Variants in ATP6V1H observed in about 807,000 individuals in gnomAD.
ATP6V1H encodes V-type proton ATPase subunit H.
A neutral mutation model predicts 71.7 loss-of-function variants in ATP6V1H; 39 were observed. That is an observed-to-expected ratio of 0.54 (90% confidence interval 0.42 to 0.71). ATP6V1H has a LOEUF of 0.71. Ranked by LOEUF, ATP6V1H falls within the 30% of genes least tolerant of loss-of-function variation. ATP6V1H has a pLI of 0.00. For synonymous variants in ATP6V1H, 192 were observed against 199.3 expected (o/e 0.96, Z 0.31); for missense variants, 509 against 594.9 (o/e 0.86, Z 1.50).
intron 10 of ATP6V1H, 102 bp from the exon 11 acceptor site, chr8:53,769,845 T>A: frequency 2.0e-6 from 2 of 1,024,486 alleles, no homozygotes; most frequent in Non-Finnish European, 2.8e-6. Context: ...TTACAAAGAC[T>A]GACCATCCTT....
chr8:53,808,225 A>T (rs1286974323), intron 7 of ATP6V1H, among the ~76,000 whole-genome samples: 1 of 152,234 alleles, frequency 6.6e-6, no homozygotes, highest in Non-Finnish European at 1.5e-5. Context: ...ACAAATCCCC[A>T]GGTTCTTTCT....
chr8:53,810,438 C>T (rs184719483), intron 7 of ATP6V1H, among the ~76,000 whole-genome samples: 2 of 152,220 alleles, frequency 1.3e-5, no homozygotes, highest in East Asian at 3.9e-4. Context: ...AGCCTTTTGG[C>T]TCTACAAAAA....
At chr8:53,810,683 T>A (rs968194334) in intron 7 of ATP6V1H, among the ~76,000 whole-genome samples, 2 of 152,272 alleles carry the variant, frequency 1.3e-5, no homozygotes, top group South Asian at 4.1e-4. Flanking sequence ...GAGGTTGCAG[T>A]GAGCTGAGAT....
chr8:53,829,134 T>C (rs1461340893), intron 4 of ATP6V1H, among the ~76,000 whole-genome samples: 1 of 152,186 alleles, frequency 6.6e-6, no homozygotes, highest in Non-Finnish European at 1.5e-5. Context: ...CATCCATAAG[T>C]ACACAGAGCA....
chr8:53,819,770 TAC>T (rs1810588579), intron 4 of ATP6V1H, among the ~76,000 whole-genome samples: 2 of 145,614 alleles, frequency 1.4e-5, no homozygotes, highest in South Asian at 4.3e-4. Context: ...CATTTGTATA[TAC>T]ATAGTATATA....
At chr8:53,748,383 T>C (rs1373344597) in intron 12 of ATP6V1H, among the ~76,000 whole-genome samples, 1 of 152,210 alleles carries the variant, frequency 6.6e-6, no homozygotes, top group East Asian at 1.9e-4. Context: ...TTAGTCTATA[T>C]TCAATAATGT....
chr8:53,728,944 C>G (rs551124182), intron 13 of ATP6V1H, among the ~76,000 whole-genome samples: 2 of 152,354 alleles, frequency 1.3e-5, no homozygotes, highest in Admixed American at 1.3e-4. Context: ...AGGGCAGAAA[C>G]GTACATCACC....
intron 7 of ATP6V1H, among the ~76,000 whole-genome samples, chr8:53,809,269 G>A (rs574788278): frequency 9.2e-5 from 14 of 152,286 alleles, no homozygotes; most frequent in South Asian, 2.1e-4. Context: ...ATGAGTAAGC[G>A]TCAGGCACAT....
At chr8:53,834,944 C>T (rs780720653) in intron 2 of ATP6V1H, among the ~76,000 whole-genome samples, 1 of 152,012 alleles carries the variant, frequency 6.6e-6, no homozygotes, top group African/African-American at 2.4e-5. Context: ...GAGTTTAAGA[C>T]AAGCCTGGGC....
chr8:53,759,671 T>C (rs894157306), intron 11 of ATP6V1H, among the ~76,000 whole-genome samples: 3 of 152,264 alleles, frequency 2.0e-5, no homozygotes, highest in Non-Finnish European at 4.4e-5. Flanking sequence ...GTTCATTCTC[T>C]TTCACAATGT....
intron 11 of ATP6V1H, among the ~76,000 whole-genome samples, chr8:53,765,466 C>G (rs1223214011): frequency 2.3e-4 from 26 of 114,326 alleles, no homozygotes; most frequent in African/African-American, 7.3e-4. Flanking sequence ...CACACACACA[C>G]ACACACACAC....
intron 13 of ATP6V1H, among the ~76,000 whole-genome samples, chr8:53,743,336 C>T (rs565270315): frequency 6.6e-6 from 1 of 152,324 alleles, no homozygotes; most frequent in Non-Finnish European, 1.5e-5. Context: ...CTTTTAGTTA[C>T]TTCTGGAGTC....
intron 13 of ATP6V1H, among the ~76,000 whole-genome samples, chr8:53,733,305 G>T (rs1322767740): frequency 6.6e-6 from 1 of 152,162 alleles, no homozygotes; most frequent in South Asian, 2.1e-4. Flanking sequence ...GGGGTCAGGT[G>T]TCACCACTCA....
In ATP6V1H at chr8:53,761,075, G is replaced by A. The variant is rs1189810662; in HGVS notation, c.1176-4419C>T. On this transcript the variant is annotated intron_variant, in intron 11 of 13. Transcript: ENST00000359530. The stretch of plus-strand genomic sequence containing the variant: ...ATACTAGCCAGGCGCGGTGGCTCAC[G>A]CCTGTAATCCCAGCACTTTGGGAGG... Among the ~76,000 whole-genome samples, 5 of 150,992 alleles carry A rather than the reference G, an allele frequency of 3.3e-5. No homozygotes were observed. In the East Asian group the frequency reaches 5.8e-4, roughly 17 times the overall value.
At chr8:53,783,115 T>A (rs2130369771) in intron 9 of ATP6V1H, among the ~76,000 whole-genome samples, 1 of 152,256 alleles carries the variant, frequency 6.6e-6, no homozygotes, top group South Asian at 2.1e-4. Context: ...TCAGAAGGAA[T>A]GGTACCAGCT....
At chr8:53,820,135 A>G (rs1225208045) in intron 4 of ATP6V1H, among the ~76,000 whole-genome samples, 1 of 152,100 alleles carries the variant, frequency 6.6e-6, no homozygotes, top group Non-Finnish European at 1.5e-5. Context: ...ACAGGAAGGA[A>G]GAAGTTCTAA....
chr8:53,756,314 C>T (rs1350821298), intron 12 of ATP6V1H: 3 of 269,722 alleles, frequency 1.1e-5, no homozygotes, highest in East Asian at 1.3e-4. Flanking sequence ...GGTCTCCTGA[C>T]CTTGTGATCT....
At chr8:53,822,348 T>A (rs899252910) in intron 4 of ATP6V1H, among the ~76,000 whole-genome samples, 37 of 151,944 alleles carry the variant, frequency 2.4e-4, no homozygotes, top group African/African-American at 8.7e-4. Flanking sequence ...TAATAATATA[T>A]AAATGTTATA....
At position 53,764,202 on chromosome 8, in the gene ATP6V1H, A is replaced by C. The variant is rs137926579; in HGVS notation, c.1175+5416T>G. Among the ~76,000 whole-genome samples, 583 of 152,324 alleles carry C rather than the reference A, an allele frequency of 3.8e-3. 4 individuals are homozygous for C. The highest frequency in any genetic ancestry group is 0.011 in the African/African-American group (445 of 41,570). On this transcript the variant is annotated intron_variant, in intron 11 of 13. Transcript: ENST00000359530. Reference sequence around the variant, plus strand: ...ATGAGACCAACATTACCATAATCCCAAAATCAGAAAAAAACATCACAAGAA... The same window carrying C: ...ATGAGACCAACATTACCATAATCCCCAAATCAGAAAAAAACATCACAAGAA...
Sources: gnomAD v4.1 joint callset for allele counts (sites outside exome capture counted in the v4.1 genomes callset) on GRCh38, gnomAD v4.1.1 for gene constraint, MANE v1.5 for transcripts, NCBI Gene and HGNC (gene_info 2026-07-23, HGNC 2026-07-21) for gene names.